The following LRP1 variants were observed in gnomAD, a reference collection of about 807,000 sequenced individuals.
The protein encoded by LRP1 is LDL receptor related protein 1.
LRP1 carries 51 observed loss-of-function variants against 541.5 expected under a neutral mutation model. The observed-to-expected ratio is 0.09, with a 90% CI of 0.08 to 0.12. LRP1 has a LOEUF of 0.12. Ranked by LOEUF, LRP1 falls within the 10% of genes least tolerant of loss-of-function variation. The pLI is 1.00. For missense variants in LRP1, 3,878 were observed against 6,376.2 expected, an observed-to-expected ratio of 0.61 and a Z score of 13.34; for synonymous variants, 2,219 against 2,470.8, an observed-to-expected ratio of 0.90 and a Z score of 3.02.
chr12:57,164,206 A>G (rs2035795102), intron 15 of LRP1, among the ~76,000 whole-genome samples: 1 of 152,172 alleles, frequency 6.6e-6, no homozygotes, highest in South Asian at 2.1e-4. Flanking sequence ...AGTAAACAGT[A>G]TAGAAAAACA....
Position 57,191,446 on chromosome 12 carries a change from C to G in LRP1, c.7363C>G (p.Leu2455Val). The change falls in exon 44 of 89, where the codon CTG (leucine) becomes GTG (valine). Residue 2455 changes from leucine to valine, a missense_variant. Around this residue, in one of 13 missense-constraint regions of LRP1, gnomAD observed 1,100 missense variants for 1,827.4 expected, o/e 0.60. Transcript: ENST00000243077. ...ANKHVGSNMK[L>V]LRVDIPQQPM... The stretch of plus-strand genomic sequence containing the variant: ...CAAGCACGTGGGCAGCAACATGAAG[C>G]TGCTGCGCGTGGACATCCCCCAGCA... 1.9e-6 allele frequency: 3 copies of G among 1,612,700 alleles called. No individual in the cohort carries two copies. The highest frequency in any genetic ancestry group is 2.5e-6 in the Non-Finnish European group (3 of 1,179,054).
chr12:57,154,131 G>T lies in LRP1; in HGVS notation c.842-77G>T. The T allele has an allele frequency of 2.8e-6, 4 of 1,425,546 alleles. No homozygotes were observed. The highest frequency in any genetic ancestry group is 3.9e-6 in the Non-Finnish European group (4 of 1,026,414). The allele number at this position is 1,425,546 out of a possible 1,614,324, so 88.3% of individuals were successfully genotyped here. A position where few individuals can be genotyped will look rare whatever the true frequency, so the allele number is the denominator to read the frequency against. Reference sequence around the variant, plus strand: ...AGAGAAGGTGGGCTTCCAGGTGTGGGTTCTCACCAGCAAAGGGTGGGCATC... The same window carrying T: ...AGAGAAGGTGGGCTTCCAGGTGTGGTTTCTCACCAGCAAAGGGTGGGCATC... On this transcript the variant is annotated intron_variant, in intron 6 of 88. Transcript: ENST00000243077. The surrounding 1 kb of genome is among the most constrained non-coding windows in gnomAD (Gnocchi z 4.6).
In LRP1 at chr12:57,148,855, G is replaced by A. The variant is rs1357893205; in HGVS notation, c.841+3365G>A. On this transcript the variant is annotated intron_variant, in intron 6 of 88. Coordinates refer to ENST00000243077, the MANE Select transcript of LRP1 (RefSeq NM_002332.3). ...CATGCTGCATGGGGAAGAAGGAGGTGGCTGGGGAGCTCAGCAAAGGGCCCC... is the reference window on the plus strand; with the variant it reads ...CATGCTGCATGGGGAAGAAGGAGGTAGCTGGGGAGCTCAGCAAAGGGCCCC... 5 of 479,824 alleles carry A rather than the reference G, an allele frequency of 1.0e-5. 1 individual carries two copies. The East Asian group carries it at 1.4e-4, about 13-fold the overall frequency. 29.7% of individuals were successfully genotyped at this position (479,824 alleles called of 1,614,324 possible). A position where few individuals can be genotyped will look rare whatever the true frequency, so the allele number is the denominator to read the frequency against.
chr12:57,138,685 CT>C, intron 2 of LRP1, 104 bp downstream of exon 2: 2 of 1,464,626 alleles, frequency 1.4e-6, no homozygotes, highest in Non-Finnish European at 1.9e-6. Flanking sequence ...TGATGTGGAC[CT>C]TGCTCAGTGA....
chr12:57,152,490 T>C (rs978459142), intron 6 of LRP1, among the ~76,000 whole-genome samples: 10 of 152,240 alleles, frequency 6.6e-5, no homozygotes, highest in South Asian at 4.1e-4. Flanking sequence ...TCGATTTCCT[T>C]TGGAGGCAGC....
Position 57,177,716 on chromosome 12 carries a change from G to A in LRP1, c.4361+125G>A. 1 of 1,186,828 alleles carries A rather than the reference G, an allele frequency of 8.4e-7. No individual in the cohort carries two copies. Among genetic ancestry groups the A allele is most frequent in the Non-Finnish European group, 1.2e-6 (1 of 843,058 alleles). 73.5% of individuals were successfully genotyped at this position (1,186,828 alleles called of 1,614,324 possible). On this transcript the variant is annotated intron_variant, in intron 26 of 88. Coordinates refer to ENST00000243077, the MANE Select transcript of LRP1 (RefSeq NM_002332.3). This position sits in a 1 kb window ranked among gnomAD's most constrained non-coding sequence, Gnocchi z 6.8. ...TCTAGAACTAGGAACGGTGGCAAAG[G>A]ACTGGGCACAGGAGGAGGAGGACGG...
chr12:57,175,897 C>G lies in LRP1; in HGVS notation c.3794-12C>G, dbSNP rs753864990. 1 of 1,613,580 alleles carries G rather than the reference C, an allele frequency of 6.2e-7. No homozygotes were observed. The highest frequency in any genetic ancestry group is 8.5e-7 in the Non-Finnish European group (1 of 1,179,840). ...GCCCCTTGCTGACCCCATCACATCC[C>G]TCCCATCCCAGACCCCTTCAAGCCG... On this transcript the variant is annotated splice_polypyrimidine_tract_variant and intron_variant, in intron 23 of 88. Transcript: ENST00000243077.
At position 57,204,138 on chromosome 12, in the gene LRP1, T is replaced by C. The variant is rs1004106658; in HGVS notation, c.10952-272T>C. On this transcript the variant is annotated intron_variant, in intron 70 of 88. Coordinates refer to ENST00000243077, the MANE Select transcript of LRP1 (RefSeq NM_002332.3). The surrounding 1 kb of genome is among the most constrained non-coding windows in gnomAD (Gnocchi z 5.3). ...CCCAGTGCTGTTCCCACGTCCCCGC[T>C]GTGGAACTACACAGCACAGTGCCCT... is the stretch of plus-strand genomic sequence containing the variant. The C allele has an allele frequency of 2.8e-6, 1 of 358,852 alleles. No homozygotes were observed. Among genetic ancestry groups the C allele is most frequent in the Non-Finnish European group, 5.0e-6 (1 of 198,740 alleles). 22.2% of individuals were successfully genotyped at this position (358,852 alleles called of 1,614,324 possible). A position where few individuals can be genotyped will look rare whatever the true frequency, so the allele number is the denominator to read the frequency against.
intron 76 of LRP1, 38 bp from the exon 77 acceptor site, chr12:57,208,000 A>G: frequency 6.2e-7 from 1 of 1,601,748 alleles, no homozygotes; most frequent in South Asian, 1.1e-5. Context: ...TGGCAGGAAG[A>G]CAAAGCAGTG....
intron 6 of LRP1, among the ~76,000 whole-genome samples, chr12:57,150,990 CTT>C (rs1025997318): frequency 1.9e-4 from 29 of 151,940 alleles, no homozygotes; most frequent in African/African-American, 7.0e-4. Flanking sequence ...CCAGGGACCT[CTT>C]TGGATGTGTA....
At chr12:57,153,500 C>T (rs572818787) in intron 6 of LRP1, among the ~76,000 whole-genome samples, 1 of 152,284 alleles carries the variant, frequency 6.6e-6, no homozygotes, top group Admixed American at 6.5e-5. Flanking sequence ...TGGCCCTCCT[C>T]CTAGACTCTC....
intron 20 of LRP1, among the ~76,000 whole-genome samples, chr12:57,169,621 C>T (rs1007393481): frequency 5.3e-5 from 8 of 152,226 alleles, no homozygotes; most frequent in Non-Finnish European, 1.0e-4. Flanking sequence ...CTGTGAGTTT[C>T]GTCTGCAAAG....
chr12:57,167,416 C>T, intron 18 of LRP1, 28 bp from the exon 19 acceptor site: 2 of 1,530,460 alleles, frequency 1.3e-6, no homozygotes, highest in Non-Finnish European at 1.8e-6. Flanking sequence ...CGTGAAGGCC[C>T]TACTCAGCTA....
chr12:57,199,441 G>A, intron 61 of LRP1, 41 bp downstream of exon 61: 1 of 1,588,034 alleles, frequency 6.3e-7, no homozygotes, highest in South Asian at 1.1e-5. Flanking sequence ...CGGTGAGCCA[G>A]GCACCGGGGT....
rs1423719569 is a variant in LRP1 at position 57,210,815 on chromosome 12, C to T, written c.12852C>T (p.Val4284=). Residue 4284 remains valine, a synonymous_variant, in exon 83 of 89, where the codon GTC becomes GTT. Transcript: ENST00000243077. ...GTGCCAACAACAGCACCTGCACTGT[C>T]AACCAGGGCAACCAGCCCCAGTGCC... ...GYCANNSTCT[V]NQGNQPQCRC... The T allele has an allele frequency of 2.5e-6, 4 of 1,613,342 alleles. No individual in the cohort carries two copies. In the East Asian group the frequency reaches 8.9e-5, roughly 36 times the overall value.
In LRP1 at chr12:57,138,554, G is replaced by C. The variant is rs2035220790; in HGVS notation, c.163G>C (p.Asp55His). 1 of 1,614,064 alleles carries C rather than the reference G, an allele frequency of 6.2e-7. No homozygotes were observed. The highest frequency in any genetic ancestry group is 1.3e-5 in the African/African-American group (1 of 75,038). The change falls in exon 2 of 89, where the codon GAC becomes CAC. Residue 55 changes from aspartate to histidine, a missense_variant. Coordinates refer to ENST00000243077, the MANE Select transcript of LRP1 (RefSeq NM_002332.3). ...WRCDGERDCPDGSDEAPEICP... is the reference protein window; with the variant it reads ...WRCDGERDCPHGSDEAPEICP... ...GTGCGACGGTGAGAGGGACTGCCCAGACGGATCTGACGAGGCCCCTGAGAT... is the reference window on the plus strand; with the variant it reads ...GTGCGACGGTGAGAGGGACTGCCCACACGGATCTGACGAGGCCCCTGAGAT...
chr12:57,177,725 C>A lies in LRP1; in HGVS notation c.4361+134C>A. Reference sequence around the variant, plus strand: ...AGGAACGGTGGCAAAGGACTGGGCACAGGAGGAGGAGGACGGAGGGGCGTG... The same window carrying A: ...AGGAACGGTGGCAAAGGACTGGGCAAAGGAGGAGGAGGACGGAGGGGCGTG... On this transcript the variant is annotated intron_variant, in intron 26 of 88. Transcript: ENST00000243077. The surrounding 1 kb of genome is among the most constrained non-coding windows in gnomAD (Gnocchi z 6.8). 5 of 1,107,698 alleles carry A rather than the reference C, an allele frequency of 4.5e-6. No individual in the cohort carries two copies. The South Asian group carries it at 6.2e-5, about 14-fold the overall frequency. The allele number at this position is 1,107,698 out of a possible 1,614,324, so 68.6% of individuals were successfully genotyped here.
intron 55 of LRP1, 150 bp from the exon 56 acceptor site, chr12:57,196,832 C>A: frequency 1.5e-6 from 1 of 655,058 alleles, no homozygotes; most frequent in Non-Finnish European, 2.7e-6. Flanking sequence ...AGGAGGCCTG[C>A]ACTGTGGGCC....
At chr12:57,166,379 A>T in intron 17 of LRP1, 170 bp downstream of exon 17, 1 of 824,330 alleles carries the variant, frequency 1.2e-6, no homozygotes. Context: ...ACATAGTGAG[A>T]CCTCCCACTC....
Sources: allele counts gnomAD v4.1 joint callset (sites outside exome capture counted in the v4.1 genomes callset), GRCh38; gene constraint gnomAD v4.1.1; regional missense constraint gnomAD v4.1.1; non-coding constraint Gnocchi (gnomAD v3.1); transcripts MANE v1.5; gene names NCBI Gene and HGNC (gene_info 2026-07-23, HGNC 2026-07-21).